The following REEP5 variants were observed in gnomAD, a reference collection of about 807,000 sequenced individuals.
The protein encoded by REEP5 is receptor accessory protein 5.
REEP5 carries 24 observed loss-of-function variants against 22.4 expected under a neutral mutation model. The ratio of observed to expected loss-of-function variants is 1.07; its 90% CI spans 0.78 to 1.51. REEP5 has a LOEUF of 1.51. Ranked by LOEUF, REEP5 falls within the 40% of genes most tolerant of loss-of-function variation. The probability of loss-of-function intolerance (pLI) is 0.00; values close to 1 mark genes in which losing one functional copy is unlikely to be tolerated. For missense variants in REEP5, 252 were observed against 233.0 expected (o/e 1.08, Z -0.53); for synonymous variants, 103 against 88.6 (o/e 1.16, Z -0.92).
intron 2 of REEP5, among the ~76,000 whole-genome samples, chr5:112,907,853 G>C (rs111988831): frequency 0.013 from 2,053 of 152,264 alleles, 15 homozygotes; most frequent in Middle Eastern, 0.037. Flanking sequence ...CCAAGATACA[G>C]TGTTGAGTGT....
chr5:112,919,775 A>G (rs1439387194), intron 2 of REEP5, among the ~76,000 whole-genome samples: 1 of 152,166 alleles, frequency 6.6e-6, no homozygotes, highest in Non-Finnish European at 1.5e-5. Flanking sequence ...AACTGTGAGC[A>G]ATAAATTTCT....
chr5:112,901,058 C>T (rs796083714), intron 3 of REEP5, among the ~76,000 whole-genome samples: 2 of 152,004 alleles, frequency 1.3e-5, no homozygotes, highest in African/African-American at 4.8e-5. Context: ...AGGCTGGTCT[C>T]GAACTCCTGA....
At chr5:112,891,787 C>A (rs775646153) in intron 3 of REEP5, 2 of 1,608,652 alleles carry the variant, frequency 1.2e-6, no homozygotes, top group Admixed American at 3.3e-5. Context: ...AGGACTCTCA[C>A]AGGAGGAGGA....
chr5:112,894,129 T>TG (rs1289946445), intron 3 of REEP5: 1 of 83,958 alleles, frequency 1.2e-5, no homozygotes, highest in Non-Finnish European at 2.4e-5. Context: ...TTTTTGTTTT[T>TG]TTTTTTTTTT....
chr5:112,921,369 G>T (rs897977327), intron 1 of REEP5, 113 bp from the exon 2 acceptor site: 1 of 968,570 alleles, frequency 1.0e-6, no homozygotes, highest in Admixed American at 2.0e-5. Context: ...CTCTCGACTC[G>T]ATTAAAGGAG....
At chr5:112,908,160 G>A (rs1228289699) in intron 2 of REEP5, among the ~76,000 whole-genome samples, 2 of 147,354 alleles carry the variant, frequency 1.4e-5, no homozygotes, top group Non-Finnish European at 3.0e-5. Flanking sequence ...GAGTGCAGTG[G>A]CACGATCTCG....
At chr5:112,888,620 G>C (rs1332697575) in intron 3 of REEP5, among the ~76,000 whole-genome samples, 1 of 142,426 alleles carries the variant, frequency 7.0e-6, no homozygotes, top group African/African-American at 2.8e-5. Context: ...GTAGAGACAA[G>C]TGTCACAATG....
intron 3 of REEP5, chr5:112,892,469 T>C (rs756756106): frequency 1.2e-6 from 2 of 1,614,162 alleles, no homozygotes; most frequent in East Asian, 4.5e-5. Flanking sequence ...AATGTATATG[T>C]TCAGTACCAG....
At chr5:112,913,020 C>A (rs1769139837) in intron 2 of REEP5, among the ~76,000 whole-genome samples, 1 of 152,154 alleles carries the variant, frequency 6.6e-6, no homozygotes, top group African/African-American at 2.4e-5. Context: ...TAATGAAAGA[C>A]TGACCGGGCA....
At chr5:112,879,641 T>C (rs1206176156) in intron 4 of REEP5, among the ~76,000 whole-genome samples, 1 of 151,146 alleles carries the variant, frequency 6.6e-6, no homozygotes, top group Non-Finnish European at 1.5e-5. Flanking sequence ...GCCCAGCTAA[T>C]TTTTTTTTGT....
intron 3 of REEP5, among the ~76,000 whole-genome samples, chr5:112,899,199 C>T (rs867148997): frequency 5.4e-4 from 82 of 151,800 alleles, no homozygotes; most frequent in African/African-American, 1.9e-3. Flanking sequence ...CCACCTCAGC[C>T]TCCTGAGCAG....
chr5:112,891,515 C>T, intron 3 of REEP5: 1 of 1,381,074 alleles, frequency 7.2e-7, no homozygotes, highest in East Asian at 2.6e-5. Context: ...AGTATGCAAA[C>T]AAAACAATAC....
At chr5:112,921,100 G>T (rs1769347438) in intron 2 of REEP5, 63 bp downstream of exon 2, 1 of 1,509,734 alleles carries the variant, frequency 6.6e-7, no homozygotes, top group Non-Finnish European at 9.1e-7. Flanking sequence ...GCAGTCTACT[G>T]CAGCAGCCCT....
intron 2 of REEP5, among the ~76,000 whole-genome samples, chr5:112,907,255 C>A (rs949908885): frequency 2.0e-5 from 3 of 152,184 alleles, no homozygotes; most frequent in African/African-American, 7.2e-5. Context: ...TCCTCTGTCT[C>A]TAGTACCGCC....
At chr5:112,920,671 TG>T (rs1769335152) in intron 2 of REEP5, among the ~76,000 whole-genome samples, 1 of 152,212 alleles carries the variant, frequency 6.6e-6, no homozygotes, top group African/African-American at 2.4e-5. Context: ...CAAGTTTGTC[TG>T]TAACATGTGG....
At chr5:112,907,078 A>T (rs1021557921) in intron 2 of REEP5, among the ~76,000 whole-genome samples, 2 of 152,226 alleles carry the variant, frequency 1.3e-5, no homozygotes, top group African/African-American at 4.8e-5. Flanking sequence ...CACTGAAATA[A>T]AACTGTTCAC....
rs948821322 is a variant in REEP5 at position 112,903,515 on chromosome 5, C to G, written c.213-997G>C. 1.3e-4 allele frequency among the ~76,000 whole-genome samples: 20 copies of G among 152,158 alleles called. 1 individual carries two copies. The highest frequency in any genetic ancestry group is 4.6e-4 in the African/African-American group (19 of 41,438). ...TCAGTTGATGGGTGCACCGAAATCT[C>G]AGAAATTGCCACTAAAAACTTATCC... On this transcript the variant is annotated intron_variant, in intron 2 of 4. Transcript: ENST00000379638.
chr5:112,900,645 G>A (rs753674364), intron 3 of REEP5, among the ~76,000 whole-genome samples: 1 of 152,014 alleles, frequency 6.6e-6, no homozygotes, highest in East Asian at 1.9e-4. Context: ...TCTTCTGTAG[G>A]TGAAGAGTGG....
intron 3 of REEP5, among the ~76,000 whole-genome samples, chr5:112,888,427 C>A (rs1204495286): frequency 1.3e-5 from 2 of 152,146 alleles, no homozygotes; most frequent in African/African-American, 4.8e-5. Flanking sequence ...TCAACAATAT[C>A]TCCAGATTAT....
Sources: gnomAD v4.1 joint callset for allele counts (sites outside exome capture counted in the v4.1 genomes callset) on GRCh38, gnomAD v4.1.1 for gene constraint, MANE v1.5 for transcripts, NCBI Gene and HGNC (gene_info 2026-07-23, HGNC 2026-07-21) for gene names.